DNAH11: variants seen among roughly 807,000 people sequenced by gnomAD.
The protein encoded by DNAH11 is dynein axonemal heavy chain 11.
Under a neutral mutation model 526.0 loss-of-function variants are expected in DNAH11, and 442 were observed. That is an observed-to-expected ratio of 0.84 (90% CI 0.78 to 0.91). The LOEUF (loss-of-function observed/expected upper bound fraction) is 0.91. Ranked by LOEUF, DNAH11 falls within the 40% of genes least tolerant of loss-of-function variation. DNAH11 has a pLI of 0.00. For missense variants in DNAH11, 6,989 were observed against 5,448.7 expected (o/e 1.28, Z -8.90); for synonymous variants, 2,461 against 1,935.9 (o/e 1.27, Z -7.12).
chr7:21,632,511 T>C (rs956487812), intron 25 of DNAH11, among the ~76,000 whole-genome samples: 1 of 152,190 alleles, frequency 6.6e-6, no homozygotes, highest in African/African-American at 2.4e-5. Flanking sequence ...CTTTGTTGCT[T>C]AGAAATTTCT....
intron 18 of DNAH11, among the ~76,000 whole-genome samples, chr7:21,605,333 A>G (rs1237729645): frequency 6.6e-6 from 1 of 152,240 alleles, no homozygotes; most frequent in Non-Finnish European, 1.5e-5. Flanking sequence ...TCACTGTCCC[A>G]GGAGATGACC....
chr7:21,801,079 T>C (rs1788966155), intron 61 of DNAH11, 58 bp from the exon 62 acceptor site: 1 of 1,534,164 alleles, frequency 6.5e-7, no homozygotes, highest in Non-Finnish European at 8.9e-7. Flanking sequence ...TTTAAGATGA[T>C]GGTAATCTCT....
chr7:21,612,650 T>C (rs1418543704), intron 20 of DNAH11, among the ~76,000 whole-genome samples: 1 of 151,546 alleles, frequency 6.6e-6, no homozygotes, highest in South Asian at 2.1e-4. Context: ...ATTCACATGA[T>C]TCCAGGAACC....
intron 14 of DNAH11, among the ~76,000 whole-genome samples, chr7:21,595,644 G>C (rs755680359): frequency 6.6e-6 from 1 of 152,092 alleles, no homozygotes; most frequent in African/African-American, 2.4e-5. Flanking sequence ...TTCAGTTTTG[G>C]GCATTTTGAA....
rs1485658856 is a variant in DNAH11, at chr7:21,816,627, C to T, written c.10493C>T (p.Pro3498Leu). 6.2e-7 allele frequency: 1 copy of T among 1,613,448 alleles called. No individual in the cohort carries two copies. Among genetic ancestry groups the T allele is most frequent in the African/African-American group, 1.3e-5 (1 of 74,840 alleles). ...HCERWPLVID[P>L]QQQGIKWIKN... is the part of the protein sequence containing the mutation. The stretch of plus-strand genomic sequence containing the variant: ...GAGCGCTGGCCTCTGGTGATAGATC[C>T]CCAGCAACAGGGAATTAAGTGGATC... Residue 3498 changes from proline (P) to leucine (L), a missense_variant, in exon 64 of 82, where the codon CCC becomes CTC. By Grantham distance (98) the Pro-to-Leu change is moderately conservative. Transcript: ENST00000409508.
chr7:21,650,774 G>T (rs1363873290), intron 28 of DNAH11, among the ~76,000 whole-genome samples: 2 of 151,570 alleles, frequency 1.3e-5, no homozygotes, highest in African/African-American at 4.8e-5. Context: ...AGAGTAGCGG[G>T]GATTACAGGC....
At chr7:21,787,773 A>G (rs2127987531) in intron 60 of DNAH11, among the ~76,000 whole-genome samples, 190 bp downstream of exon 60, 1 of 152,346 alleles carries the variant, frequency 6.6e-6, no homozygotes, top group Middle Eastern at 3.4e-3. Flanking sequence ...AATGTTAGAA[A>G]CTATCTTTTT....
intron 45 of DNAH11, among the ~76,000 whole-genome samples, chr7:21,728,190 C>G (rs890806194): frequency 6.7e-6 from 1 of 148,158 alleles, no homozygotes; most frequent in Non-Finnish European, 1.5e-5. Flanking sequence ...AAATTCAAGT[C>G]CTGTTAACAT....
chr7:21,834,332 A>G (rs75865315), intron 65 of DNAH11, among the ~76,000 whole-genome samples: 2,513 of 152,284 alleles, frequency 0.017, 63 homozygotes, highest in African/African-American at 0.057. Flanking sequence ...ACCAAAACCT[A>G]TGGAACACAG....
intron 28 of DNAH11, among the ~76,000 whole-genome samples, chr7:21,641,098 T>C (rs1787107899): frequency 6.6e-6 from 1 of 152,214 alleles, no homozygotes; most frequent in Admixed American, 6.5e-5. Context: ...TTCTTGCTCC[T>C]GGCAGTGTAA....
chr7:21,706,604 C>G (rs1784272044), intron 39 of DNAH11, among the ~76,000 whole-genome samples: 1 of 152,172 alleles, frequency 6.6e-6, no homozygotes, highest in Admixed American at 6.5e-5. Flanking sequence ...AAATTCTATA[C>G]TTTCCAGTGG....
intron 57 of DNAH11, among the ~76,000 whole-genome samples, chr7:21,779,333 A>G (rs938960690): frequency 2.0e-5 from 3 of 152,202 alleles, no homozygotes; most frequent in African/African-American, 7.2e-5. Context: ...AACAATAAAT[A>G]CTGAGCTCAT....
chr7:21,807,160 G>A (rs1173848189), intron 62 of DNAH11, among the ~76,000 whole-genome samples: 1 of 152,124 alleles, frequency 6.6e-6, no homozygotes, highest in Non-Finnish European at 1.5e-5. Flanking sequence ...TTTGACTAGG[G>A]CAGTGTAGTG....
At chr7:21,707,002 G>T (rs1397471456) in intron 39 of DNAH11, among the ~76,000 whole-genome samples, 1 of 152,204 alleles carries the variant, frequency 6.6e-6, no homozygotes, top group Non-Finnish European at 1.5e-5. Flanking sequence ...CCTCAGCACT[G>T]TTGACATTCT....
At chr7:21,553,154 C>T (rs1783087835) in intron 2 of DNAH11, among the ~76,000 whole-genome samples, 1 of 145,484 alleles carries the variant, frequency 6.9e-6, no homozygotes, top group South Asian at 2.1e-4. Context: ...TTTAACCCTC[C>T]CCTGTTGCCT....
At chr7:21,674,696 A>G (rs79110241) in intron 30 of DNAH11, among the ~76,000 whole-genome samples, 1 of 151,450 alleles carries the variant, frequency 6.6e-6, no homozygotes, top group African/African-American at 2.4e-5. Flanking sequence ...ATCCACTTTT[A>G]TGGCTGCTCA....
rs552487543 is a variant in DNAH11 at position 21,901,053 on chromosome 7, CAAG to C, written c.13351_13353del (p.Lys4451del). The stretch of plus-strand genomic sequence containing the variant: ...CAGGAACCATTGTTGAAGCCCGTCT[CAAG>C]GAGCTGGCATGCCCTATGCCGGTCA... On this transcript the variant is annotated inframe_deletion, in exon 82 of 82. Transcript: ENST00000409508. 31 of 1,613,276 alleles carry C rather than the reference CAAG, an allele frequency of 1.9e-5. No homozygotes were observed. Among genetic ancestry groups the C allele is most frequent in the Admixed American group, 5.0e-5 (3 of 59,908 alleles).
At chr7:21,745,207 G>T (rs183595203) in intron 51 of DNAH11, 144 bp downstream of exon 51, 2 of 880,766 alleles carry the variant, frequency 2.3e-6, no homozygotes, top group East Asian at 2.8e-5. Context: ...AATATAAAAG[G>T]GTCGCTTTTT....
chr7:21,698,165 A>C lies in DNAH11; in HGVS notation c.6132A>C (p.Arg2044=). The C allele has an allele frequency of 6.2e-7, 1 of 1,613,672 alleles. No individual in the cohort carries two copies. Among genetic ancestry groups the C allele is most frequent in the Non-Finnish European group, 8.5e-7 (1 of 1,179,714 alleles). ...TTGTGGATGCGCGTGCATTAGCCCGAAAGTTCATTACGTTGTACACGCTTT... is the reference window on the plus strand; with the variant it reads ...TTGTGGATGCGCGTGCATTAGCCCGCAAGTTCATTACGTTGTACACGCTTT... ...EGFVDARALA[R]KFITLYTLCK... The change falls in exon 36 of 82, where the codon CGA becomes CGC. Residue 2044 remains arginine (R), a synonymous_variant. Coordinates refer to ENST00000409508, the MANE Select transcript of DNAH11 (RefSeq NM_001277115.2).
Sources: allele counts gnomAD v4.1 joint callset (sites outside exome capture counted in the v4.1 genomes callset), GRCh38; gene constraint gnomAD v4.1.1; transcripts MANE v1.5; gene names NCBI Gene and HGNC (gene_info 2026-07-23, HGNC 2026-07-21).